Variants in NLGN1 observed in about 807,000 individuals in gnomAD.
NLGN1 encodes the protein neuroligin 1, also known as neuroligin-1.
Under a neutral mutation model 65.5 loss-of-function variants are expected in NLGN1, and 12 were observed. The ratio of observed to expected loss-of-function variants is 0.18; its 90% confidence interval spans 0.12 to 0.30. The LOEUF is 0.30. NLGN1 is among the 10% of genes least tolerant of loss of function. The pLI, the probability that NLGN1 is intolerant of heterozygous loss-of-function variation, is 1.00. For synonymous variants in NLGN1, 350 were observed against 359.5 expected (o/e 0.97, Z 0.30); for missense variants, 750 against 1,007.1 (o/e 0.74, Z 3.46).
intron 3 of NLGN1, among the ~76,000 whole-genome samples, chr3:173,702,238 C>CAAAA (rs67328889): frequency 1.1e-5 from 1 of 89,838 alleles, no homozygotes; most frequent in Non-Finnish European, 2.6e-5. Flanking sequence ...GACTCCGTCT[C>CAAAA]AAAAAAAAAA....
At chr3:173,713,658 T>C (rs1209653493) in intron 3 of NLGN1, among the ~76,000 whole-genome samples, 1 of 152,186 alleles carries the variant, frequency 6.6e-6, no homozygotes, top group Non-Finnish European at 1.5e-5. Flanking sequence ...TTAAACTTTG[T>C]ATATTCTTCA....
At chr3:173,901,371 GT>G (rs879411721) in intron 4 of NLGN1, among the ~76,000 whole-genome samples, 2,544 of 147,940 alleles carry the variant, frequency 0.017, 112 homozygotes, top group African/African-American at 0.043. Context: ...TTTTGGGGGG[GT>G]GTGTGTGTGT....
chr3:174,264,202 C>T (rs1227014720), intron 4 of NLGN1, among the ~76,000 whole-genome samples: 9 of 150,658 alleles, frequency 6.0e-5, no homozygotes, highest in Non-Finnish European at 1.3e-4. Context: ...GTGGCGTTCT[C>T]TGTATTTCCT....
At chr3:173,483,207 C>T (rs1267816909) in intron 2 of NLGN1, among the ~76,000 whole-genome samples, 1 of 151,972 alleles carries the variant, frequency 6.6e-6, no homozygotes, top group Non-Finnish European at 1.5e-5. Flanking sequence ...TTCTAAACTT[C>T]CAAAATGTAA....
chr3:173,568,751 G>A (rs115751805), intron 2 of NLGN1, among the ~76,000 whole-genome samples: 3,597 of 152,314 alleles, frequency 0.024, 56 homozygotes, highest in Middle Eastern at 0.048. Flanking sequence ...TCGGCTCGCT[G>A]CAAGCTCCGC....
chr3:173,425,887 A>C (rs1446555878), intron 1 of NLGN1, among the ~76,000 whole-genome samples: 1 of 152,154 alleles, frequency 6.6e-6, no homozygotes, highest in African/African-American at 2.4e-5. Flanking sequence ...TGTTATTTTG[A>C]TAGGAATTGC....
chr3:173,408,597 A>G (rs1016198890), intron 1 of NLGN1, among the ~76,000 whole-genome samples: 2 of 152,190 alleles, frequency 1.3e-5, no homozygotes, highest in Non-Finnish European at 2.9e-5. Context: ...CTGCGTAAAC[A>G]TGGCCTCTAT....
chr3:174,133,452 TATTA>T (rs959555798), intron 4 of NLGN1, among the ~76,000 whole-genome samples: 1 of 152,174 alleles, frequency 6.6e-6, no homozygotes, highest in African/African-American at 2.4e-5. Context: ...AGAAATTCAG[TATTA>T]ATTAACGCCT....
intron 4 of NLGN1, among the ~76,000 whole-genome samples, chr3:174,122,609 C>T (rs963155793): frequency 5.6e-4 from 85 of 152,074 alleles, no homozygotes; most frequent in African/African-American, 1.8e-3. Flanking sequence ...ATGCAGTTGA[C>T]GCAGCCTCAT....
chr3:174,107,938 G>T (rs1714307444), intron 4 of NLGN1, among the ~76,000 whole-genome samples: 1 of 152,076 alleles, frequency 6.6e-6, no homozygotes, highest in African/African-American at 2.4e-5. Context: ...CTATTCAATG[G>T]AAATGGCTCT....
intron 3 of NLGN1, among the ~76,000 whole-genome samples, chr3:173,709,470 A>G (rs1174155043): frequency 3.9e-5 from 6 of 152,150 alleles, no homozygotes; most frequent in Admixed American, 1.3e-4. Context: ...TTAATCTTGT[A>G]CAGTATACAC....
chr3:173,401,658 T>C (rs537752452), intron 1 of NLGN1, among the ~76,000 whole-genome samples: 1 of 152,152 alleles, frequency 6.6e-6, no homozygotes, highest in South Asian at 2.1e-4. Context: ...ATTTTTAGGG[T>C]GACATTTTAC....
intron 2 of NLGN1, chr3:173,584,835 G>A (rs1747076703): frequency 6.6e-6 from 1 of 151,936 alleles, no homozygotes; most frequent in Non-Finnish European, 1.5e-5. Flanking sequence ...CAAAAAAAGA[G>A]AAAAGGAAGC....
intron 4 of NLGN1, among the ~76,000 whole-genome samples, chr3:173,994,900 A>G (rs1434537583): frequency 6.6e-6 from 1 of 152,164 alleles, no homozygotes; most frequent in African/African-American, 2.4e-5. Context: ...GCAAAGAGGA[A>G]ACATAAGGAG....
intron 4 of NLGN1, among the ~76,000 whole-genome samples, chr3:174,038,293 C>T (rs1579928834): frequency 6.6e-6 from 1 of 152,192 alleles, no homozygotes; most frequent in Admixed American, 6.5e-5. Flanking sequence ...GCTAGTCGCT[C>T]TGCAACCAAC....
intron 4 of NLGN1, among the ~76,000 whole-genome samples, chr3:173,830,283 A>G (rs146980162): frequency 7.2e-5 from 11 of 152,294 alleles, no homozygotes; most frequent in Non-Finnish European, 1.6e-4. Context: ...AGCCAAGGGA[A>G]GTCATGTAGC....
intron 4 of NLGN1, among the ~76,000 whole-genome samples, chr3:174,100,777 G>T (rs1037178433): frequency 2.0e-5 from 3 of 151,854 alleles, no homozygotes; most frequent in African/African-American, 7.3e-5. Context: ...TTCATAAGGG[G>T]TAAGAAAGGT....
At chr3:174,126,445 T>C (rs4140699) in intron 4 of NLGN1, among the ~76,000 whole-genome samples, 42,922 of 151,940 alleles carry the variant, frequency 0.28, 8,283 homozygotes, top group African/African-American at 0.56. Flanking sequence ...AAGTGTTGAA[T>C]GGATGTGACT....
chr3:173,428,524 T>C (rs1480439856), intron 1 of NLGN1, among the ~76,000 whole-genome samples: 1 of 151,754 alleles, frequency 6.6e-6, no homozygotes, highest in Non-Finnish European at 1.5e-5. Context: ...CAACTTAACT[T>C]TGACTCAAAT....
Sources: gnomAD v4.1 joint callset for allele counts (sites outside exome capture counted in the v4.1 genomes callset) on GRCh38, gnomAD v4.1.1 for gene constraint, MANE v1.5 for transcripts, NCBI Gene and HGNC (gene_info 2026-07-23, HGNC 2026-07-21) for gene names.